The following OPA1 variants were observed in gnomAD, a reference collection of about 807,000 sequenced individuals.
The protein encoded by OPA1 is OPA1 mitochondrial dynamin like GTPase.
In OPA1, 59 loss-of-function variants were observed where a neutral mutation model predicts 152.9. The observed-to-expected ratio is 0.39, with a 90% CI of 0.31 to 0.48. The LOEUF is 0.48. Among genes scored for constraint, OPA1 ranks in the 20% least tolerant of loss-of-function variants. The pLI, the probability that OPA1 is intolerant of heterozygous loss-of-function variation, is 0.96. For synonymous variants in OPA1, 400 were observed against 389.9 expected, an observed-to-expected ratio of 1.03 and a Z score of -0.31; for missense variants, 1,008 against 1,216.8, an observed-to-expected ratio of 0.83 and a Z score of 2.55.
At chr3:193,681,199 A>G (rs936907868) in intron 29 of OPA1, among the ~76,000 whole-genome samples, 3 of 152,208 alleles carry the variant, frequency 2.0e-5, no homozygotes, top group African/African-American at 7.2e-5. Flanking sequence ...TTATGTAACA[A>G]ATATTGTCCC....
intron 8 of OPA1, among the ~76,000 whole-genome samples, chr3:193,633,665 GTTTTAATAAT>G (rs1265997962): frequency 6.6e-6 from 1 of 152,126 alleles, no homozygotes; most frequent in Non-Finnish European, 1.5e-5. Flanking sequence ...CGTGGAATTA[GTTTTAATAAT>G]ATATTTAACC....
At chr3:193,599,712 T>G (rs113562720) in intron 1 of OPA1, among the ~76,000 whole-genome samples, 4,582 of 152,228 alleles carry the variant, frequency 0.03, 65 homozygotes, top group African/African-American at 0.035. Context: ...CATTCTACCT[T>G]GGGCAAAACA....
intron 25 of OPA1, among the ~76,000 whole-genome samples, chr3:193,660,570 G>T (rs1266005507): frequency 6.6e-6 from 1 of 151,320 alleles, no homozygotes; most frequent in African/African-American, 2.4e-5. Context: ...ACAGTTAATT[G>T]TATAATCTAT....
At chr3:193,628,870 G>A (rs1426320234) in intron 7 of OPA1, among the ~76,000 whole-genome samples, 2 of 152,018 alleles carry the variant, frequency 1.3e-5, no homozygotes, top group Non-Finnish European at 1.5e-5. Flanking sequence ...TTGTTTCCTA[G>A]GAAATATTAG....
Position 193,697,638 on chromosome 3 carries a change from C to G in OPA1, c.*3038C>G, listed in dbSNP as rs922513385. 1.3e-5 allele frequency: 2 copies of G among 152,184 alleles called. No homozygotes were observed. The highest frequency in any genetic ancestry group is 4.8e-5 in the African/African-American group (2 of 41,448). The allele number at this position is 152,184 out of a possible 1,614,324, so 9.4% of individuals were successfully genotyped here. ...TTTGACCCCATAGTATAACCAGATT[C>G]ATGGTCTAACAAGCTCTCAGTGTGG... is the stretch of plus-strand genomic sequence containing the variant. On this transcript the variant is annotated 3_prime_UTR_variant, in exon 31 of 31. Transcript: ENST00000361510.
chr3:193,681,276 T>G (rs761209861), intron 29 of OPA1, among the ~76,000 whole-genome samples: 2 of 152,348 alleles, frequency 1.3e-5, no homozygotes, highest in Middle Eastern at 3.4e-3. Context: ...AAATGACCAC[T>G]TTTAGAATAT....
chr3:193,648,156 A>G (rs1711523059), intron 20 of OPA1, 22 bp downstream of exon 20: 3 of 1,526,786 alleles, frequency 2.0e-6, no homozygotes, highest in Non-Finnish European at 2.7e-6. Context: ...ATACTCGTGT[A>G]TTTTGTATAT....
Position 193,691,791 on chromosome 3 carries a change from C to CTT in OPA1, c.2984-271_2984-270dup, listed in dbSNP as rs544784971. On this transcript the variant is annotated intron_variant, in intron 29 of 30. Coordinates refer to ENST00000361510, the MANE Select transcript of OPA1 (RefSeq NM_130837.3). ...AATTCTCTACATAATTGTACATGTA[C>CTT]TTAATACATGCTTTTTTCCATGTTA... 2.7e-3 allele frequency: 870 copies of CTT among 326,736 alleles called. 6 individuals carry two copies. The highest frequency in any genetic ancestry group is 0.015 in the Middle Eastern group (15 of 1,028). 20.2% of individuals were successfully genotyped at this position (326,736 alleles called of 1,614,324 possible).
rs398124303 is a variant in OPA1, at chr3:193,638,064, A to C, written c.1148A>C (p.Lys383Thr). Residue 383 changes from lysine to threonine, a missense_variant and splice_region_variant, in exon 11 of 31, where the codon AAG becomes ACG. Lys to Thr is a moderately conservative substitution (Grantham distance 78, BLOSUM62 -1). Transcript: ENST00000361510. ...SGEMMTRSPV[K>T]VTLSEGPHHV... ...GAGATGATGACACGTTCTCCAGTTAAGGTAAGAACATAGGCCGTCTCAGTG... is the reference window on the plus strand; with the variant it reads ...GAGATGATGACACGTTCTCCAGTTACGGTAAGAACATAGGCCGTCTCAGTG... 1 of 1,610,768 alleles carries C rather than the reference A, an allele frequency of 6.2e-7. No homozygotes were observed. Among genetic ancestry groups the C allele is most frequent in the Non-Finnish European group, 8.5e-7 (1 of 1,177,030 alleles).
At chr3:193,603,842 T>C (rs1393147367) in intron 1 of OPA1, among the ~76,000 whole-genome samples, 6 of 152,196 alleles carry the variant, frequency 3.9e-5, no homozygotes, top group Non-Finnish European at 7.3e-5. Context: ...TGGAGTATCT[T>C]GTATAGCAAC....
rs565305043 is a variant in OPA1, at chr3:193,648,187, G to A, written c.1935+53G>A. 5.2e-5 allele frequency: 70 copies of A among 1,343,298 alleles called. 1 individual carries two copies. In the South Asian group the frequency reaches 7.3e-4, roughly 14 times the overall value. The allele number at this position is 1,343,298 out of a possible 1,614,324, so 83.2% of individuals were successfully genotyped here. On this transcript the variant is annotated intron_variant, in intron 20 of 30. Transcript: ENST00000361510. ...TATATATCTTAATTTAATGTTGTTTGCTAACTAAATTTATGTTGAGAGAAA... is the reference window on the plus strand; with the variant it reads ...TATATATCTTAATTTAATGTTGTTTACTAACTAAATTTATGTTGAGAGAAA...
chr3:193,684,736 C>T (rs1402227957), intron 29 of OPA1, among the ~76,000 whole-genome samples: 1 of 151,904 alleles, frequency 6.6e-6, no homozygotes, highest in African/African-American at 2.4e-5. Flanking sequence ...CAGGCGTGAG[C>T]CACTGCGCCC....
chr3:193,663,784 A>C (rs1487905271), intron 26 of OPA1, among the ~76,000 whole-genome samples: 1 of 152,146 alleles, frequency 6.6e-6, no homozygotes, highest in Non-Finnish European at 1.5e-5. Flanking sequence ...CAAGTAAAAA[A>C]ATAAAAATAA....
chr3:193,652,390 C>CAA (rs1350646505), intron 21 of OPA1, among the ~76,000 whole-genome samples: 3 of 134,978 alleles, frequency 2.2e-5, no homozygotes, highest in Non-Finnish European at 4.9e-5. Context: ...TGAAAACAAA[C>CAA]AAACAAAAAA....
intron 29 of OPA1, among the ~76,000 whole-genome samples, chr3:193,674,040 G>A (rs573052250): frequency 2.0e-5 from 3 of 152,220 alleles, no homozygotes; most frequent in Admixed American, 6.5e-5. Context: ...AGTCGGGCTC[G>A]CAGCAGCGTG....
rs1734033595 is a variant in OPA1, at chr3:193,643,158, G to C, written c.1305+109G>C. Reference sequence around the variant, plus strand: ...GTTTAGATTGCTGCTATCTAGATATGTAGAGCTTTTAAAAAAAAATCCAAA... The same window carrying C: ...GTTTAGATTGCTGCTATCTAGATATCTAGAGCTTTTAAAAAAAAATCCAAA... On this transcript the variant is annotated intron_variant, in intron 13 of 30. Coordinates refer to ENST00000361510, the MANE Select transcript of OPA1 (RefSeq NM_130837.3). 7.2e-6 allele frequency: 7 copies of C among 967,060 alleles called. No homozygotes were observed. In the Admixed American group the frequency reaches 1.2e-4, roughly 17 times the overall value. The allele number at this position is 967,060 out of a possible 1,614,324, so 59.9% of individuals were successfully genotyped here.
chr3:193,651,580 G>A (rs1207271014), intron 21 of OPA1, among the ~76,000 whole-genome samples: 3 of 152,172 alleles, frequency 2.0e-5, no homozygotes, highest in Admixed American at 6.5e-5. Flanking sequence ...AGCAATTTAT[G>A]TGTCCCATTT....
At chr3:193,624,006 T>G (rs764749842) in intron 6 of OPA1, among the ~76,000 whole-genome samples, 3 of 152,220 alleles carry the variant, frequency 2.0e-5, no homozygotes, top group Non-Finnish European at 4.4e-5. Flanking sequence ...ATAATAGTGC[T>G]TTAGTAACAG....
At chr3:193,634,920 G>A (rs565869920) in intron 8 of OPA1, among the ~76,000 whole-genome samples, 16 of 152,174 alleles carry the variant, frequency 1.1e-4, no homozygotes, top group Non-Finnish European at 1.9e-4. Context: ...GAGTTAATGC[G>A]TTTGCACCAC....
Sources: gnomAD v4.1 joint callset for allele counts (sites outside exome capture counted in the v4.1 genomes callset) on GRCh38, gnomAD v4.1.1 for gene constraint, MANE v1.5 for transcripts, NCBI Gene and HGNC (gene_info 2026-07-23, HGNC 2026-07-21) for gene names.